WDR64: variants seen among roughly 807,000 people sequenced by gnomAD.
WDR64 encodes the protein WD repeat domain 64, also known as WD repeat-containing protein 64.
Under a neutral mutation model 139.3 loss-of-function variants are expected in WDR64, and 112 were observed. The observed-to-expected ratio is 0.80, with a 90% CI of 0.69 to 0.94. The LOEUF (loss-of-function observed/expected upper bound fraction) is 0.94. Among genes scored for constraint, WDR64 ranks in the 40% least tolerant of loss-of-function variants. The probability of loss-of-function intolerance (pLI) is 0.00; values close to 1 mark genes in which losing one functional copy is unlikely to be tolerated. For synonymous variants in WDR64, 444 were observed against 437.7 expected (o/e 1.01, Z -0.18); for missense variants, 1,206 against 1,293.1 (o/e 0.93, Z 1.03).
intron 9 of WDR64, among the ~76,000 whole-genome samples, chr1:241,713,688 G>T (rs113152284): frequency 0.046 from 7,051 of 152,210 alleles, 216 homozygotes; most frequent in South Asian, 0.081. Context: ...TGGCAAAGGT[G>T]GAGGTTTTGT....
In WDR64 at chr1:241,787,778, A is replaced by C. The variant is rs1159346396; in HGVS notation, c.2706-71A>C. ...GGACCAGCGCTAATTTACATAAACGATCTAATGAACAGAATAACTTTGACC... is the reference window on the plus strand; with the variant it reads ...GGACCAGCGCTAATTTACATAAACGCTCTAATGAACAGAATAACTTTGACC... On this transcript the variant is annotated intron_variant, in intron 23 of 27. Coordinates refer to ENST00000437684, the MANE Select transcript of WDR64 (RefSeq NM_001367482.1). 3 of 1,345,902 alleles carry C rather than the reference A, an allele frequency of 2.2e-6. No individual in the cohort carries two copies. The African/African-American group carries it at 4.5e-5, about 20-fold the overall frequency. The allele number at this position is 1,345,902 out of a possible 1,614,324, so 83.4% of individuals were successfully genotyped here.
chr1:241,690,340 G>A (rs1281484416), intron 8 of WDR64, among the ~76,000 whole-genome samples: 8 of 151,784 alleles, frequency 5.3e-5, no homozygotes, highest in Middle Eastern at 3.4e-3. Context: ...GCATGGTGGC[G>A]CACACCTGTA....
intron 8 of WDR64, among the ~76,000 whole-genome samples, chr1:241,705,347 C>T (rs954631115): frequency 6.6e-6 from 1 of 151,788 alleles, no homozygotes; most frequent in Non-Finnish European, 1.5e-5. Context: ...CGAGACCATC[C>T]CGGCTAACAC....
intron 17 of WDR64, 37 bp from the exon 18 acceptor site, chr1:241,770,584 A>G: frequency 6.5e-7 from 1 of 1,534,018 alleles, no homozygotes; most frequent in Non-Finnish European, 8.8e-7. Flanking sequence ...AGCATATCTT[A>G]AAGTTTTACC....
chr1:241,747,880 G>T (rs1482840280), intron 13 of WDR64, among the ~76,000 whole-genome samples: 1 of 152,218 alleles, frequency 6.6e-6, no homozygotes, highest in Non-Finnish European at 1.5e-5. Context: ...CTGGCATTCA[G>T]GTGGGTGAGA....
intron 14 of WDR64, 101 bp from the exon 15 acceptor site, chr1:241,757,182 T>C (rs1365135348): frequency 1.1e-5 from 12 of 1,055,498 alleles, no homozygotes; most frequent in Non-Finnish European, 1.6e-5. Flanking sequence ...TAAAGCTAGA[T>C]GGTAGATACA....
chr1:241,767,765 AC>A (rs1322481580), intron 16 of WDR64, among the ~76,000 whole-genome samples: 1 of 152,058 alleles, frequency 6.6e-6, no homozygotes, highest in Non-Finnish European at 1.5e-5. Context: ...TATTGCTTGG[AC>A]TATGGATTTC....
Position 241,793,815 on chromosome 1 carries a change from A to C in WDR64, c.2998-1392A>C, listed in dbSNP as rs73126020. ...TAGTTTCTCAATAAACATTAGCTCC[A>C]CTTTCGCCAAAGGCTCCATGTCTCC... On this transcript the variant is annotated intron_variant, in intron 25 of 27. Transcript: ENST00000437684. Among the ~76,000 whole-genome samples, 999 of 152,348 alleles carry C rather than the reference A, an allele frequency of 6.6e-3. 13 individuals carry two copies. The highest frequency in any genetic ancestry group is 0.023 in the African/African-American group (956 of 41,574).
chr1:241,666,267 A>G (rs1440704195), intron 2 of WDR64, among the ~76,000 whole-genome samples: 1 of 152,224 alleles, frequency 6.6e-6, no homozygotes, highest in Non-Finnish European at 1.5e-5. Flanking sequence ...ATGGCTCATC[A>G]CAGGAGAAAC....
At chr1:241,664,083 T>C (rs1482519159) in intron 2 of WDR64, among the ~76,000 whole-genome samples, 1 of 152,242 alleles carries the variant, frequency 6.6e-6, no homozygotes, top group African/African-American at 2.4e-5. Flanking sequence ...AAATGATTGT[T>C]TTTTTCCTAA....
intron 24 of WDR64, among the ~76,000 whole-genome samples, chr1:241,789,879 TAA>T (rs932106874): frequency 6.6e-6 from 1 of 151,368 alleles, no homozygotes; most frequent in Non-Finnish European, 1.5e-5. Context: ...CCACTGAACT[TAA>T]ATAAAAGTTA....
chr1:241,772,908 C>A lies in WDR64; in HGVS notation c.2407C>A (p.His803Asn). Residue 803 changes from histidine to asparagine, a missense_variant, in exon 20 of 28, where the codon CAC (histidine) becomes AAC (asparagine). His to Asn is a moderately conservative substitution (Grantham distance 68, BLOSUM62 1). Transcript: ENST00000437684. ...CCTTGTCACTGCTCATGAGGATGGA[C>A]ACCTCCGCTTGTGGACTCTGGAGGT... ...PILVTAHEDG[H>N]LRLWTLEGRL... The A allele has an allele frequency of 6.4e-7, 1 of 1,551,520 alleles. No individual in the cohort carries two copies. Among genetic ancestry groups the A allele is most frequent in the South Asian group, 1.2e-5 (1 of 84,006 alleles).
At chr1:241,796,211 A>T (rs1347547120) in intron 26 of WDR64, 46 bp from the exon 27 acceptor site, 1 of 1,409,560 alleles carries the variant, frequency 7.1e-7, no homozygotes, top group Non-Finnish European at 9.9e-7. Flanking sequence ...ATATTACAGA[A>T]GTAATCACTT....
intron 2 of WDR64, among the ~76,000 whole-genome samples, chr1:241,662,167 A>G (rs1665857058): frequency 6.6e-6 from 1 of 152,250 alleles, no homozygotes; most frequent in Non-Finnish European, 1.5e-5. Context: ...TTAGGATTCT[A>G]CTGCTACTGT....
intron 22 of WDR64, among the ~76,000 whole-genome samples, chr1:241,780,544 G>A (rs2148314983): frequency 6.6e-6 from 1 of 152,114 alleles, no homozygotes; most frequent in East Asian, 1.9e-4. Context: ...AGCTATTTTA[G>A]CATAGCCCTA....
At chr1:241,757,887 T>G (rs1199679985) in intron 15 of WDR64, among the ~76,000 whole-genome samples, 1 of 152,130 alleles carries the variant, frequency 6.6e-6, no homozygotes, top group African/African-American at 2.4e-5. Context: ...AATAATACCA[T>G]TATTTTCTAA....
At chr1:241,749,811 G>T in intron 14 of WDR64, 89 bp downstream of exon 14, 1 of 1,363,608 alleles carries the variant, frequency 7.3e-7, no homozygotes, top group Non-Finnish European at 1.0e-6. Context: ...ATGTAACCCC[G>T]CTCTTGGTAG....
At chr1:241,705,560 A>AATAAATC in intron 8 of WDR64, among the ~76,000 whole-genome samples, 1 of 37,000 alleles carries the variant, frequency 2.7e-5, no homozygotes, top group East Asian at 1.3e-3. Flanking sequence ...TAAATAAATA[A>AATAAATC]ATAATAATAA....
intron 2 of WDR64, among the ~76,000 whole-genome samples, chr1:241,661,820 G>A (rs754545386): frequency 1.3e-5 from 2 of 152,196 alleles, no homozygotes; most frequent in Non-Finnish European, 2.9e-5. Context: ...TAAGGCCTAT[G>A]GGCCAAATCT....
Sources: gnomAD v4.1 joint callset for allele counts (sites outside exome capture counted in the v4.1 genomes callset) on GRCh38, gnomAD v4.1.1 for gene constraint, MANE v1.5 for transcripts, NCBI Gene and HGNC (gene_info 2026-07-23, HGNC 2026-07-21) for gene names.